The following DST variants were observed in gnomAD, a reference collection of about 807,000 sequenced individuals.
DST encodes the protein dystonin.
A neutral mutation model predicts 875.2 loss-of-function variants in DST; 253 were observed. The ratio of observed to expected loss-of-function variants is 0.29; its 90% CI spans 0.26 to 0.32. The LOEUF (loss-of-function observed/expected upper bound fraction) is 0.32, where lower values mean the gene tolerates loss of function less well. Among genes scored for constraint, DST ranks in the 10% least tolerant of loss-of-function variants. The pLI is 1.00. For missense variants in DST, 8,287 were observed against 9,111.6 expected (o/e 0.91, Z 3.68); for synonymous variants, 3,124 against 3,197.1 (o/e 0.98, Z 0.77).
intron 49 of DST, among the ~76,000 whole-genome samples, chr6:56,586,390 T>A (rs1381894139): frequency 1.3e-5 from 2 of 151,450 alleles, no homozygotes; most frequent in Non-Finnish European, 2.9e-5. Flanking sequence ...TGGTTTAAAG[T>A]CTGTTTTATC....
At chr6:56,557,254 G>T in intron 59 of DST, 65 bp downstream of exon 59, 1 of 1,436,648 alleles carries the variant, frequency 7.0e-7, no homozygotes, top group Non-Finnish European at 9.6e-7. Context: ...TATTTATAAT[G>T]AAAACATTGG....
intron 4 of DST, among the ~76,000 whole-genome samples, chr6:56,765,938 T>G (rs898635111): frequency 2.0e-5 from 3 of 152,240 alleles, no homozygotes; most frequent in African/African-American, 7.2e-5. Flanking sequence ...AATTTGGTTT[T>G]GGGTTCATTG....
rs1562196950 is a variant in DST, at chr6:56,470,122, G to A, written c.22476+6C>T. 9 of 1,611,850 alleles carry A rather than the reference G, an allele frequency of 5.6e-6. No homozygotes were observed. Among genetic ancestry groups the A allele is most frequent in the Non-Finnish European group, 7.6e-6 (9 of 1,178,544 alleles). Reference sequence around the variant, plus strand: ...GTGTTGTACGCAATGGGAAGATAATGAGTACCTCATCTTCGATTTTGTCGG... The same window carrying A: ...GTGTTGTACGCAATGGGAAGATAATAAGTACCTCATCTTCGATTTTGTCGG... On this transcript the variant is annotated splice_donor_region_variant and intron_variant, in intron 96 of 103. Coordinates refer to ENST00000680361, the MANE Select transcript of DST (RefSeq NM_001374736.1).
intron 44 of DST, among the ~76,000 whole-genome samples, chr6:56,600,954 C>T (rs957812032): frequency 3.3e-5 from 5 of 151,936 alleles, no homozygotes; most frequent in Admixed American, 2.6e-4. Context: ...AGCAGGTAAG[C>T]GCTATTGTTA....
Position 56,598,807 on chromosome 6 carries a change from G to C in DST, c.11695-98C>G, listed in dbSNP as rs147542942. The C allele has an allele frequency of 1.6e-4, 93 of 599,250 alleles. No homozygotes were observed. The African/African-American group carries it at 1.7e-3, about 11-fold the overall frequency. The allele number at this position is 599,250 out of a possible 1,614,324, so 37.1% of individuals were successfully genotyped here. On this transcript the variant is annotated intron_variant, in intron 45 of 103. Transcript: ENST00000680361. ...AAAAGACAGAGTGAGTACAGAGAGA[G>C]TCTAGTATATGTAGCTTGAATAAAC...
At chr6:56,954,285 TG>T in intron 1 of DST, 121 bp downstream of exon 1, 1 of 643,510 alleles carries the variant, frequency 1.6e-6, no homozygotes, top group Non-Finnish European at 2.3e-6. Flanking sequence ...GCACTCAGCC[TG>T]GGGAGTGGGC....
chr6:56,923,171 T>C (rs1275928847), intron 2 of DST, among the ~76,000 whole-genome samples: 1 of 152,156 alleles, frequency 6.6e-6, no homozygotes, highest in Non-Finnish European at 1.5e-5. Flanking sequence ...ACTACAGTTA[T>C]AAATTAAAGG....
At chr6:56,587,124 G>A (rs1240120345) in intron 49 of DST, among the ~76,000 whole-genome samples, 1 of 152,026 alleles carries the variant, frequency 6.6e-6, no homozygotes, top group Non-Finnish European at 1.5e-5. Flanking sequence ...AGCTACAGGA[G>A]GAAATTCAAA....
chr6:56,829,280 A>G (rs568044759), intron 4 of DST, among the ~76,000 whole-genome samples: 15 of 152,318 alleles, frequency 9.8e-5, no homozygotes, highest in African/African-American at 3.4e-4. Flanking sequence ...AAACTTCTCA[A>G]AAGAGGCCAT....
At chr6:56,554,211 A>G (rs2152557640) in intron 60 of DST, among the ~76,000 whole-genome samples, 1 of 149,102 alleles carries the variant, frequency 6.7e-6, no homozygotes, top group South Asian at 2.1e-4. Flanking sequence ...CAGCCTCCTG[A>G]GTAGCTGGGA....
chr6:56,873,572 A>G (rs1362823513), intron 3 of DST, among the ~76,000 whole-genome samples: 1 of 152,232 alleles, frequency 6.6e-6, no homozygotes, highest in African/African-American at 2.4e-5. Flanking sequence ...AGCAACATAG[A>G]CGGAACTGGA....
chr6:56,470,982 A>C (rs2094861539), intron 95 of DST, 124 bp downstream of exon 95: 2 of 1,048,080 alleles, frequency 1.9e-6, no homozygotes, highest in African/African-American at 3.3e-5. Flanking sequence ...AAGGGTCGTG[A>C]CTTCCTAGGC....
At chr6:56,783,707 G>A in intron 4 of DST, among the ~76,000 whole-genome samples, 1 of 152,028 alleles carries the variant, frequency 6.6e-6, no homozygotes, top group Non-Finnish European at 1.5e-5. Flanking sequence ...TTTAATTGGA[G>A]CATTTAGTCC....
chr6:56,797,851 A>C (rs1410865560), intron 4 of DST, among the ~76,000 whole-genome samples: 3 of 151,720 alleles, frequency 2.0e-5, no homozygotes, highest in Non-Finnish European at 4.4e-5. Context: ...ACTCCAGTGA[A>C]TACATGAATG....
In DST at chr6:56,497,298, C is replaced by T. The variant is rs148665295; in HGVS notation, c.20223+81G>A. 2.6e-3 allele frequency: 3,904 copies of T among 1,507,098 alleles called. 11 individuals are homozygous for T. Among genetic ancestry groups the T allele is most frequent in the Non-Finnish European group, 2.7e-3 (2,942 of 1,108,082 alleles). The allele number at this position is 1,507,098 out of a possible 1,614,324, so 93.4% of individuals were successfully genotyped here. A position where few individuals can be genotyped will look rare whatever the true frequency, so the allele number is the denominator to read the frequency against. On this transcript the variant is annotated intron_variant, in intron 82 of 103. Coordinates refer to ENST00000680361, the MANE Select transcript of DST (RefSeq NM_001374736.1). ...ACTATATCTTTAAAGCCTTCTCCCACGATTTATGTATCGCCAGGGCCCATA... is the reference window on the plus strand; with the variant it reads ...ACTATATCTTTAAAGCCTTCTCCCATGATTTATGTATCGCCAGGGCCCATA...
intron 49 of DST, among the ~76,000 whole-genome samples, chr6:56,582,956 T>C (rs1413602580): frequency 6.6e-6 from 1 of 152,106 alleles, no homozygotes; most frequent in African/African-American, 2.4e-5. Flanking sequence ...TAGTATTCCA[T>C]GGTGTATATG....
At chr6:56,650,605 T>C (rs2098970342) in intron 12 of DST, among the ~76,000 whole-genome samples, 1 of 152,138 alleles carries the variant, frequency 6.6e-6, no homozygotes. Context: ...GAATAGCAAA[T>C]ACAGCAATGT....
intron 55 of DST, among the ~76,000 whole-genome samples, chr6:56,563,768 GAA>G (rs760929184): frequency 1.2e-4 from 19 of 152,144 alleles, no homozygotes; most frequent in Non-Finnish European, 2.2e-4. Flanking sequence ...AAGGTGTAAG[GAA>G]GGGGTCCAGT....
At chr6:56,468,467 T>C (rs541188946) in intron 98 of DST, among the ~76,000 whole-genome samples, 1 of 152,326 alleles carries the variant, frequency 6.6e-6, no homozygotes, top group South Asian at 2.1e-4. Context: ...TTGGTGATTT[T>C]GAACAAATGG....
Sources: allele counts gnomAD v4.1 joint callset (sites outside exome capture counted in the v4.1 genomes callset), GRCh38; gene constraint gnomAD v4.1.1; transcripts MANE v1.5; gene names NCBI Gene and HGNC (gene_info 2026-07-23, HGNC 2026-07-21).